The following EIF4EBP1 variants were observed in gnomAD, a reference collection of about 807,000 sequenced individuals.
The protein encoded by EIF4EBP1 is eukaryotic translation initiation factor 4E-binding protein 1.
EIF4EBP1 carries 5 observed loss-of-function variants against 9.2 expected under a neutral mutation model. That is an observed-to-expected ratio of 0.54 (90% CI 0.28 to 1.14). EIF4EBP1 has a LOEUF of 1.14. Among genes scored for constraint, EIF4EBP1 ranks in the 50% most tolerant of loss-of-function variants. EIF4EBP1 has a pLI of 0.09. For missense variants in EIF4EBP1, 139 were observed against 169.6 expected (o/e 0.82, Z 1.00); for synonymous variants, 62 against 67.0 (o/e 0.93, Z 0.36).
At chr8:38,056,476 G>C (rs1809595919) in intron 1 of EIF4EBP1, among the ~76,000 whole-genome samples, 1 of 152,192 alleles carries the variant, frequency 6.6e-6, no homozygotes, top group Admixed American at 6.5e-5. Flanking sequence ...GCCCAGGTGG[G>C]TGAGTGAGCT....
At chr8:38,044,797 C>T (rs1563416164) in intron 1 of EIF4EBP1, among the ~76,000 whole-genome samples, 1 of 152,160 alleles carries the variant, frequency 6.6e-6, no homozygotes, top group Non-Finnish European at 1.5e-5. Context: ...GGCCTCTGGA[C>T]GGCTGTGAGG....
In EIF4EBP1 at chr8:38,060,005, C is replaced by G. The variant is rs1809651943; in HGVS notation, c.*70C>G. 12 of 1,486,700 alleles carry G rather than the reference C, an allele frequency of 8.1e-6. No individual in the cohort carries two copies. Among genetic ancestry groups the G allele is most frequent in the Middle Eastern group, 1.7e-4 (1 of 5,816 alleles). The allele number at this position is 1,486,700 out of a possible 1,614,324, so 92.1% of individuals were successfully genotyped here. On this transcript the variant is annotated 3_prime_UTR_variant, in exon 3 of 3. Coordinates refer to ENST00000338825, the MANE Select transcript of EIF4EBP1 (RefSeq NM_004095.4). ...CCTTCCTGGGAGGAGTCCCACCAGC[C>G]AGGCCTTATGAAAGTGATCATACTG...
intron 1 of EIF4EBP1, among the ~76,000 whole-genome samples, chr8:38,039,144 G>A (rs370676872): frequency 1.3e-5 from 2 of 151,764 alleles, no homozygotes; most frequent in South Asian, 2.1e-4. Context: ...CGCCCACCTC[G>A]TCCTCCCAAA....
At chr8:38,034,499 C>T (rs985428232) in intron 1 of EIF4EBP1, among the ~76,000 whole-genome samples, 2 of 152,126 alleles carry the variant, frequency 1.3e-5, no homozygotes, top group Non-Finnish European at 2.9e-5. Context: ...TCCAGCGACA[C>T]CATAAACAGC....
In EIF4EBP1 at chr8:38,035,911, G is replaced by A. The variant is rs553854671; in HGVS notation, c.145+5193G>A. On this transcript the variant is annotated intron_variant, in intron 1 of 2. Coordinates refer to ENST00000338825, the MANE Select transcript of EIF4EBP1 (RefSeq NM_004095.4). ...TTTAGTAGAGATGGGGTTTCACCACGTTGGCCAGGCTGGTCTCGAACTCCT... is the reference window on the plus strand; with the variant it reads ...TTTAGTAGAGATGGGGTTTCACCACATTGGCCAGGCTGGTCTCGAACTCCT... Among the ~76,000 whole-genome samples, 8 of 150,768 alleles carry A rather than the reference G, an allele frequency of 5.3e-5. No homozygotes were observed. The East Asian group carries it at 6.0e-4, about 11-fold the overall frequency.
At chr8:38,054,897 G>A (rs1415446678) in intron 1 of EIF4EBP1, among the ~76,000 whole-genome samples, 3 of 152,008 alleles carry the variant, frequency 2.0e-5, no homozygotes, top group Non-Finnish European at 4.4e-5. Flanking sequence ...CCCAAAACAG[G>A]GGGTGCAAGG....
In EIF4EBP1 at chr8:38,041,322, C is replaced by T. The variant is rs558202146; in HGVS notation, c.145+10604C>T. Among the ~76,000 whole-genome samples, 9 of 152,142 alleles carry T rather than the reference C, an allele frequency of 5.9e-5. No homozygotes were observed. In the South Asian group the frequency reaches 1.0e-3, roughly 18 times the overall value. ...CTCACCATGTTGGCCAGGCTGGTCT[C>T]GAACTTCTAACCTCAGGCGATCTGC... On this transcript the variant is annotated intron_variant, in intron 1 of 2. Transcript: ENST00000338825.
At chr8:38,037,270 G>C (rs764510062) in intron 1 of EIF4EBP1, among the ~76,000 whole-genome samples, 1 of 152,146 alleles carries the variant, frequency 6.6e-6, no homozygotes, top group African/African-American at 2.4e-5. Flanking sequence ...TGAAAAGAAT[G>C]CTGGAATGAA....
At chr8:38,054,338 C>G (rs190663928) in intron 1 of EIF4EBP1, among the ~76,000 whole-genome samples, 89 of 152,336 alleles carry the variant, frequency 5.8e-4, no homozygotes, top group African/African-American at 2.1e-3. Flanking sequence ...GTTGTCCCAG[C>G]TACTGGGGAG....
intron 1 of EIF4EBP1, among the ~76,000 whole-genome samples, chr8:38,055,659 T>C (rs1017023701): frequency 2.6e-5 from 4 of 151,992 alleles, no homozygotes; most frequent in Admixed American, 6.6e-5. Flanking sequence ...CTACTATATA[T>C]GGAACACCGG....
chr8:38,033,678 C>T (rs1429669650), intron 1 of EIF4EBP1, among the ~76,000 whole-genome samples: 4 of 151,760 alleles, frequency 2.6e-5, no homozygotes, highest in African/African-American at 9.7e-5. Flanking sequence ...AGTGATTGTC[C>T]CTGGAGGGAA....
chr8:38,037,901 G>T (rs904964396), intron 1 of EIF4EBP1, among the ~76,000 whole-genome samples: 1 of 151,906 alleles, frequency 6.6e-6, no homozygotes, highest in East Asian at 2.0e-4. Context: ...AGCCTCTCCA[G>T]TAGCTGGGAC....
At chr8:38,032,578 G>A (rs1377597091) in intron 1 of EIF4EBP1, among the ~76,000 whole-genome samples, 1 of 152,164 alleles carries the variant, frequency 6.6e-6, no homozygotes, top group African/African-American at 2.4e-5. Flanking sequence ...GAGTGGGCAG[G>A]GGGCTGACAG....
chr8:38,040,976 T>G (rs1369191907), intron 1 of EIF4EBP1, among the ~76,000 whole-genome samples: 1 of 152,156 alleles, frequency 6.6e-6, no homozygotes, highest in Non-Finnish European at 1.5e-5. Flanking sequence ...ATTTTTGTAT[T>G]TTTAGTAGAG....
intron 1 of EIF4EBP1, among the ~76,000 whole-genome samples, chr8:38,049,136 AAAAG>A (rs1809484811): frequency 6.6e-6 from 1 of 151,596 alleles, no homozygotes. Context: ...AAAAAAAAAA[AAAAG>A]AAAAGAAAAG....
intron 1 of EIF4EBP1, 30 bp downstream of exon 1, chr8:38,030,748 C>G: frequency 7.3e-7 from 1 of 1,374,104 alleles, no homozygotes; most frequent in Non-Finnish European, 9.3e-7. Flanking sequence ...CGCCGCTTGC[C>G]GGCTCCTGGG....
intron 1 of EIF4EBP1, among the ~76,000 whole-genome samples, chr8:38,046,674 T>G (rs1410065330): frequency 6.6e-6 from 1 of 152,186 alleles, no homozygotes; most frequent in Non-Finnish European, 1.5e-5. Context: ...TCCTATGAAG[T>G]TGGCACTACC....
intron 1 of EIF4EBP1, among the ~76,000 whole-genome samples, chr8:38,040,694 CT>C (rs763107094): frequency 2.6e-5 from 4 of 152,196 alleles, no homozygotes; most frequent in Non-Finnish European, 4.4e-5. Flanking sequence ...TCCTCTTGGT[CT>C]CCCAACATTC....
chr8:38,040,005 C>T (rs1427498004), intron 1 of EIF4EBP1, among the ~76,000 whole-genome samples: 1 of 152,202 alleles, frequency 6.6e-6, no homozygotes, highest in African/African-American at 2.4e-5. Flanking sequence ...CTTCCTGCCT[C>T]AGCTTCCCGA....
Sources: allele counts gnomAD v4.1 joint callset (sites outside exome capture counted in the v4.1 genomes callset), GRCh38; gene constraint gnomAD v4.1.1; transcripts MANE v1.5; gene names NCBI Gene and HGNC (gene_info 2026-07-23, HGNC 2026-07-21).